Variants in CDH12 observed in about 807,000 individuals in gnomAD.
The protein encoded by CDH12 is cadherin-12.
CDH12 carries 41 observed loss-of-function variants against 74.1 expected under a neutral mutation model. That is an observed-to-expected ratio of 0.55 (90% CI 0.43 to 0.72). CDH12 has a LOEUF of 0.72. Among genes scored for constraint, CDH12 ranks in the 30% least tolerant of loss-of-function variants. The pLI is 0.00. For synonymous variants in CDH12, 399 were observed against 355.0 expected, an observed-to-expected ratio of 1.12 and a Z score of -1.39; for missense variants, 945 against 977.2, an observed-to-expected ratio of 0.97 and a Z score of 0.44.
intron 5 of CDH12, among the ~76,000 whole-genome samples, chr5:21,999,124 T>G (rs1736458744): frequency 6.6e-6 from 1 of 152,096 alleles, no homozygotes; most frequent in Admixed American, 6.6e-5. Context: ...TTTTCTTTAT[T>G]TATTTTACAA....
intron 5 of CDH12, among the ~76,000 whole-genome samples, chr5:22,059,346 T>C (rs1377939191): frequency 8.8e-6 from 1 of 113,682 alleles, no homozygotes; most frequent in Non-Finnish European, 1.7e-5. Context: ...CATCTATCTA[T>C]CTATCTATCT....
chr5:22,470,008 T>G (rs1745892284), intron 2 of CDH12, among the ~76,000 whole-genome samples: 1 of 152,200 alleles, frequency 6.6e-6, no homozygotes, highest in African/African-American at 2.4e-5. Context: ...TCAAGAACTC[T>G]TAAGACAAGA....
chr5:22,488,158 T>G (rs1746686802), intron 2 of CDH12, among the ~76,000 whole-genome samples: 1 of 152,314 alleles, frequency 6.6e-6, no homozygotes, highest in Non-Finnish European at 1.5e-5. Context: ...AGAAAAGTCC[T>G]GAAACTGACA....
At chr5:22,774,615 G>A (rs1008374615) in intron 1 of CDH12, among the ~76,000 whole-genome samples, 4 of 152,016 alleles carry the variant, frequency 2.6e-5, no homozygotes, top group Admixed American at 6.6e-5. Flanking sequence ...CTGAACAATC[G>A]CTCTCTATTC....
intron 6 of CDH12, among the ~76,000 whole-genome samples, chr5:21,913,903 C>T (rs1028906092): frequency 6.6e-6 from 1 of 152,060 alleles, no homozygotes; most frequent in Non-Finnish European, 1.5e-5. Context: ...AGACTGGTCT[C>T]AAACTCCTGG....
chr5:21,996,605 A>G (rs1280114680), intron 5 of CDH12, among the ~76,000 whole-genome samples: 1 of 152,134 alleles, frequency 6.6e-6, no homozygotes, highest in Non-Finnish European at 1.5e-5. Context: ...CATTACACCA[A>G]ATAAAATTAC....
chr5:22,710,054 A>G (rs767187089), intron 1 of CDH12, among the ~76,000 whole-genome samples: 6 of 152,196 alleles, frequency 3.9e-5, no homozygotes, highest in Non-Finnish European at 7.3e-5. Flanking sequence ...ATTCTGAAAC[A>G]AAATCCTTGC....
intron 3 of CDH12, among the ~76,000 whole-genome samples, chr5:22,273,769 G>C (rs527406364): frequency 7.1e-6 from 1 of 140,886 alleles, no homozygotes; most frequent in South Asian, 2.1e-4. Context: ...TGAGTGAGGT[G>C]GGAATACTGC....
intron 1 of CDH12, among the ~76,000 whole-genome samples, chr5:22,817,391 T>C (rs1243143402): frequency 6.6e-6 from 1 of 152,092 alleles, no homozygotes; most frequent in East Asian, 1.9e-4. Flanking sequence ...AGCATCAAAC[T>C]AAAAATTTCA....
At chr5:22,253,184 A>T (rs1238016280) in intron 3 of CDH12, among the ~76,000 whole-genome samples, 2 of 151,344 alleles carry the variant, frequency 1.3e-5, no homozygotes, top group African/African-American at 4.8e-5. Flanking sequence ...AGAATATTTC[A>T]TTTTTGTATT....
At chr5:22,464,468 C>T (rs1745644283) in intron 2 of CDH12, among the ~76,000 whole-genome samples, 1 of 152,132 alleles carries the variant, frequency 6.6e-6, no homozygotes, top group African/African-American at 2.4e-5. Context: ...AAGCTACTCC[C>T]CCTTCAAATT....
chr5:22,825,731 G>T (rs560173399), intron 1 of CDH12, among the ~76,000 whole-genome samples: 2 of 152,288 alleles, frequency 1.3e-5, no homozygotes, highest in Admixed American at 6.5e-5. Context: ...GCAATGTGAA[G>T]CCACTGGAGA....
intron 1 of CDH12, among the ~76,000 whole-genome samples, chr5:22,787,949 G>A (rs2126372454): frequency 6.6e-6 from 1 of 152,256 alleles, no homozygotes; most frequent in South Asian, 2.1e-4. Flanking sequence ...CACTTTTGCT[G>A]TATTTTGTAT....
chr5:22,435,565 C>T (rs567321311), intron 2 of CDH12, among the ~76,000 whole-genome samples: 7 of 150,090 alleles, frequency 4.7e-5, no homozygotes, highest in African/African-American at 1.5e-4. Context: ...TCTAGAGAAT[C>T]CTGACTAATA....
chr5:22,494,159 A>G (rs1747005635), intron 2 of CDH12, among the ~76,000 whole-genome samples: 1 of 152,238 alleles, frequency 6.6e-6, no homozygotes, highest in Admixed American at 6.5e-5. Flanking sequence ...AGTAATGTTG[A>G]TGAGACTAAA....
chr5:21,985,006 T>C (rs565614793), intron 5 of CDH12, among the ~76,000 whole-genome samples: 10 of 152,182 alleles, frequency 6.6e-5, no homozygotes, highest in African/African-American at 2.4e-4. Flanking sequence ...CACTTAATAA[T>C]GGGTCATATT....
chr5:22,301,913 C>A (rs1363262808), intron 3 of CDH12, among the ~76,000 whole-genome samples: 2 of 151,832 alleles, frequency 1.3e-5, no homozygotes, highest in African/African-American at 2.4e-5. Flanking sequence ...AAGCAATCTG[C>A]CCACTTCAGC....
At chr5:22,100,234 G>A (rs7445931) in intron 4 of CDH12, among the ~76,000 whole-genome samples, 89,640 of 152,036 alleles carry the variant, frequency 0.59, 26,946 homozygotes, top group African/African-American at 0.71. Context: ...CTTTAAAAAT[G>A]TATGCATCCC....
At position 22,827,025 on chromosome 5, in the gene CDH12, C is replaced by A. The variant is rs143759877; in HGVS notation, c.-523+26033G>T. Among the ~76,000 whole-genome samples the A allele has an allele frequency of 3.0e-3, 461 of 152,282 alleles. 1 individual carries two copies. Among genetic ancestry groups the A allele is most frequent in the Non-Finnish European group, 3.2e-3 (216 of 68,034 alleles). On this transcript the variant is annotated intron_variant, in intron 1 of 14. Coordinates refer to ENST00000382254, the MANE Select transcript of CDH12 (RefSeq NM_004061.5). ...AAATATCTCCAGAACATGTAAGAGA[C>A]CTTTGCAGCAGCCCCTCCCGTTACA...
Sources: gnomAD v4.1 joint callset for allele counts (sites outside exome capture counted in the v4.1 genomes callset) on GRCh38, gnomAD v4.1.1 for gene constraint, MANE v1.5 for transcripts, NCBI Gene and HGNC (gene_info 2026-07-23, HGNC 2026-07-21) for gene names.